Variants in DSCAM observed in about 807,000 individuals in gnomAD.
DSCAM encodes cell adhesion molecule DSCAM.
Under a neutral mutation model 217.7 loss-of-function variants are expected in DSCAM, and 47 were observed. The observed-to-expected ratio is 0.22, with a 90% CI of 0.17 to 0.28. DSCAM has a LOEUF of 0.28. Ranked by LOEUF, DSCAM falls within the 10% of genes least tolerant of loss-of-function variation. The pLI, the probability that DSCAM is intolerant of heterozygous loss-of-function variation, is 1.00. For missense variants in DSCAM, 2,080 were observed against 2,618.3 expected, an observed-to-expected ratio of 0.79 and a Z score of 4.49; for synonymous variants, 1,056 against 1,015.3, an observed-to-expected ratio of 1.04 and a Z score of -0.76.
At chr21:40,834,423 ATAAAATAAT>A (rs934778192) in intron 1 of DSCAM, among the ~76,000 whole-genome samples, 1 of 109,692 alleles carries the variant, frequency 9.1e-6, no homozygotes, top group East Asian at 2.6e-4. Flanking sequence ...AATAATAATA[ATAAAATAAT>A]AATAATAATA....
chr21:40,081,683 C>T (rs1343813470), intron 24 of DSCAM, among the ~76,000 whole-genome samples: 1 of 152,180 alleles, frequency 6.6e-6, no homozygotes. Flanking sequence ...CAAAAAACTC[C>T]TCTAATCCTT....
At chr21:40,378,274 A>C (rs1306372858) in intron 3 of DSCAM, among the ~76,000 whole-genome samples, 9 of 152,208 alleles carry the variant, frequency 5.9e-5, no homozygotes, top group African/African-American at 1.9e-4. Flanking sequence ...AAAATGAGAG[A>C]TTCTTTTCAT....
At position 40,204,394 on chromosome 21, in the gene DSCAM, G is replaced by T. The variant is rs368964598; in HGVS notation, c.2357-15156C>A. On this transcript the variant is annotated intron_variant, in intron 11 of 32. Coordinates refer to ENST00000400454, the MANE Select transcript of DSCAM (RefSeq NM_001389.5). ...GCTCCTAAAGACTTTTAATTATCTTGAAACCTTTCTCCCAAATTTTGTGTG... is the reference window on the plus strand; with the variant it reads ...GCTCCTAAAGACTTTTAATTATCTTTAAACCTTTCTCCCAAATTTTGTGTG... Among the ~76,000 whole-genome samples the T allele has an allele frequency of 4.4e-4, 67 of 152,290 alleles. 1 individual carries two copies. The South Asian group carries it at 0.013, about 31-fold the overall frequency.
At position 40,251,917 on chromosome 21, in the gene DSCAM, A is replaced by G. The variant is rs189318623; in HGVS notation, c.2356+24180T>C. Among the ~76,000 whole-genome samples the G allele has an allele frequency of 3.3e-3, 509 of 152,300 alleles. 1 individual carries two copies. The highest frequency in any genetic ancestry group is 0.011 in the African/African-American group (470 of 41,552). On this transcript the variant is annotated intron_variant, in intron 11 of 32. Transcript: ENST00000400454. ...GCAAGCAAGCAGCCATGTTGCAGAC[A>G]TCCTCATGGCAAGGTACCAAGGGTG...
At chr21:40,505,235 G>A (rs2076201031) in intron 3 of DSCAM, among the ~76,000 whole-genome samples, 1 of 152,172 alleles carries the variant, frequency 6.6e-6, no homozygotes, top group South Asian at 2.1e-4. Context: ...CAGGCAGCTG[G>A]GTTCAAAAAC....
At chr21:40,636,370 G>C (rs1160793761) in intron 3 of DSCAM, among the ~76,000 whole-genome samples, 1 of 152,076 alleles carries the variant, frequency 6.6e-6, no homozygotes, top group Non-Finnish European at 1.5e-5. Context: ...AAATATTAGA[G>C]AGAGAGGGAG....
At chr21:40,446,037 T>G (rs1342058644) in intron 3 of DSCAM, among the ~76,000 whole-genome samples, 1 of 152,238 alleles carries the variant, frequency 6.6e-6, no homozygotes, top group Non-Finnish European at 1.5e-5. Flanking sequence ...TAAAATGCTC[T>G]TGGTTTTGGA....
At chr21:40,824,075 T>C (rs899422935) in intron 1 of DSCAM, among the ~76,000 whole-genome samples, 4 of 152,196 alleles carry the variant, frequency 2.6e-5, no homozygotes, top group African/African-American at 9.7e-5. Context: ...GGGGATAATC[T>C]AGACCCAACC....
At chr21:40,056,358 T>C (rs2089023028) in intron 28 of DSCAM, among the ~76,000 whole-genome samples, 2 of 152,220 alleles carry the variant, frequency 1.3e-5, no homozygotes, top group Non-Finnish European at 2.9e-5. Context: ...CCTTGTTAGC[T>C]TCCCTGACGT....
At chr21:40,615,151 A>G (rs559784108) in intron 3 of DSCAM, among the ~76,000 whole-genome samples, 1 of 151,794 alleles carries the variant, frequency 6.6e-6, no homozygotes, top group East Asian at 1.9e-4. Flanking sequence ...TAAAAATACA[A>G]AAATTAGCCA....
At chr21:40,673,479 G>T (rs1367793182) in intron 3 of DSCAM, among the ~76,000 whole-genome samples, 2 of 152,130 alleles carry the variant, frequency 1.3e-5, no homozygotes, top group Non-Finnish European at 2.9e-5. Flanking sequence ...TCAATTTTAT[G>T]CAAATCACCT....
intron 1 of DSCAM, among the ~76,000 whole-genome samples, chr21:40,766,580 G>A (rs1004299788): frequency 1.1e-4 from 16 of 139,746 alleles, no homozygotes; most frequent in African/African-American, 4.3e-4. Flanking sequence ...AGAAAACACA[G>A]CCTGGAAAGC....
chr21:40,725,742 G>A (rs1025646202), intron 1 of DSCAM, among the ~76,000 whole-genome samples: 1 of 152,280 alleles, frequency 6.6e-6, no homozygotes, highest in Admixed American at 6.5e-5. Context: ...GTTGGAACCT[G>A]CTCTCAGGTT....
At position 40,627,980 on chromosome 21, in the gene DSCAM, C is replaced by T. The variant is rs573093209; in HGVS notation, c.508+64830G>A. ...TTGAAGACCCCCAAAGTTGTGTGTC[C>T]GTGTATGTCAAGAATGATTCAGATG... On this transcript the variant is annotated intron_variant, in intron 3 of 32. Transcript: ENST00000400454. Among the ~76,000 whole-genome samples the T allele has an allele frequency of 3.5e-4, 54 of 152,190 alleles. No homozygotes were observed. In the South Asian group the frequency reaches 4.6e-3, roughly 13 times the overall value.
At chr21:40,559,762 T>G (rs1368550190) in intron 3 of DSCAM, among the ~76,000 whole-genome samples, 1 of 151,622 alleles carries the variant, frequency 6.6e-6, no homozygotes, top group Non-Finnish European at 1.5e-5. Flanking sequence ...TAACGGCTGT[T>G]TTGATGCTTT....
intron 3 of DSCAM, among the ~76,000 whole-genome samples, chr21:40,447,601 A>G (rs554981888): frequency 9.8e-5 from 15 of 152,336 alleles, no homozygotes; most frequent in East Asian, 9.6e-4. Context: ...GCTATGGCAA[A>G]CTTTCCTTTT....
chr21:40,410,967 A>G (rs1272066724), intron 3 of DSCAM, among the ~76,000 whole-genome samples: 1 of 152,164 alleles, frequency 6.6e-6, no homozygotes, highest in African/African-American at 2.4e-5. Context: ...AACACCTTTT[A>G]TTATCAGTTT....
intron 3 of DSCAM, among the ~76,000 whole-genome samples, chr21:40,547,762 CT>C (rs1244183179): frequency 9.2e-5 from 14 of 152,272 alleles, no homozygotes; most frequent in Admixed American, 7.8e-4. Context: ...TGGAGCAATG[CT>C]TCCACTGTCC....
intron 32 of DSCAM, among the ~76,000 whole-genome samples, chr21:40,032,418 G>A (rs1432224318): frequency 6.6e-6 from 1 of 152,060 alleles, no homozygotes; most frequent in Admixed American, 6.5e-5. Context: ...GCAAGCAGAA[G>A]GATCACAATA....
Sources: allele counts gnomAD v4.1 joint callset (sites outside exome capture counted in the v4.1 genomes callset), GRCh38; gene constraint gnomAD v4.1.1; transcripts MANE v1.5; gene names NCBI Gene and HGNC (gene_info 2026-07-23, HGNC 2026-07-21).